The following SLC22A16 variants were observed in gnomAD, a reference collection of about 807,000 sequenced individuals.
SLC22A16 encodes the protein WUGSC:RG331P03.1.
SLC22A16 carries 53 observed loss-of-function variants against 52.9 expected under a neutral mutation model. The ratio of observed to expected loss-of-function variants is 1.00; its 90% CI spans 0.80 to 1.26. The LOEUF (loss-of-function observed/expected upper bound fraction) is 1.26. SLC22A16 is among the 50% of genes most tolerant of loss of function. SLC22A16 has a pLI of 0.00. For missense variants in SLC22A16, 726 were observed against 704.0 expected (o/e 1.03, Z -0.35); for synonymous variants, 291 against 268.8 (o/e 1.08, Z -0.81).
chr6:110,440,038 AT>A (rs1774901323), intron 4 of SLC22A16: 2 of 152,344 alleles, frequency 1.3e-5, no homozygotes, highest in Admixed American at 1.3e-4. Context: ...AAACATTAAT[AT>A]GCACAAATAT....
intron 2 of SLC22A16, among the ~76,000 whole-genome samples, chr6:110,449,900 C>G (rs1000294441): frequency 2.6e-5 from 4 of 152,180 alleles, no homozygotes; most frequent in Admixed American, 2.0e-4. Flanking sequence ...GGTTTTGTCT[C>G]TTGTCATTTC....
In SLC22A16 at chr6:110,425,391, A is replaced by G; in HGVS notation, c.1522-306T>C. The G allele has an allele frequency of 2.2e-6, 3 of 1,335,360 alleles. No homozygotes were observed. The South Asian group carries it at 3.7e-5, about 16-fold the overall frequency. 82.7% of individuals were successfully genotyped at this position (1,335,360 alleles called of 1,614,324 possible). A position where few individuals can be genotyped will look rare whatever the true frequency, so the allele number is the denominator to read the frequency against. ...AGGTGCTGTCCTAGGAGCTGTGGTC[A>G]GAAAGAAAAAAGACACTTACCCCAT... On this transcript the variant is annotated intron_variant, in intron 7 of 7. Coordinates refer to ENST00000368919, the MANE Select transcript of SLC22A16 (RefSeq NM_033125.4).
intron 1 of SLC22A16, among the ~76,000 whole-genome samples, chr6:110,470,378 G>A (rs545718062): frequency 6.6e-6 from 1 of 152,228 alleles, no homozygotes; most frequent in South Asian, 2.1e-4. Context: ...CTTGCCTAAA[G>A]TTTACCTGAG....
chr6:110,476,518 A>AC lies in SLC22A16; in HGVS notation c.53+3_53+4insG. ...CGTGGCGCCGCGGGGCCCCTCCCCC[A>AC]TACCTGCCGAAGTGCCCCACGTGGT... is the stretch of plus-strand genomic sequence containing the variant. On this transcript the variant is annotated splice_donor_region_variant and intron_variant, in intron 1 of 7. Coordinates refer to ENST00000368919, the MANE Select transcript of SLC22A16 (RefSeq NM_033125.4). 1 of 765,742 alleles carries AC rather than the reference A, an allele frequency of 1.3e-6. No homozygotes were observed. The highest frequency in any genetic ancestry group is 2.1e-5 in the South Asian group (1 of 46,554). The allele number at this position is 765,742 out of a possible 1,614,324, so 47.4% of individuals were successfully genotyped here.
chr6:110,438,768 A>G lies in SLC22A16; in HGVS notation c.1263T>C (p.Ser421=). 1 of 1,614,100 alleles carries G rather than the reference A, an allele frequency of 6.2e-7. No homozygotes were observed. The highest frequency in any genetic ancestry group is 8.5e-7 in the Non-Finnish European group (1 of 1,180,000). The change falls in exon 5 of 8, where the codon TCT becomes TCC. Residue 421 remains serine, a synonymous_variant. Transcript: ENST00000368919. ...KVGRRTVLAY[S]LFCSALACGV... ...CACAGGCCAGTGCACTGCAGAAAAGAGAGTAGGCCAGGACTGTTCTCCTCC... is the reference window on the plus strand; with the variant it reads ...CACAGGCCAGTGCACTGCAGAAAAGGGAGTAGGCCAGGACTGTTCTCCTCC...
intron 6 of SLC22A16, among the ~76,000 whole-genome samples, chr6:110,435,447 C>T (rs1286373445): frequency 1.3e-5 from 2 of 152,046 alleles, no homozygotes; most frequent in Non-Finnish European, 2.9e-5. Flanking sequence ...TTCCAGCCTC[C>T]AGTACTGTGA....
intron 2 of SLC22A16, 47 bp downstream of exon 2, chr6:110,456,490 GA>G: frequency 6.4e-7 from 1 of 1,571,792 alleles, no homozygotes. Context: ...AACCAGATAG[GA>G]AAATAAACCC....
chr6:110,437,949 AG>A (rs1774797295), intron 5 of SLC22A16, among the ~76,000 whole-genome samples: 1 of 152,220 alleles, frequency 6.6e-6, no homozygotes, highest in African/African-American at 2.4e-5. Context: ...AATGAAAAAC[AG>A]TGTACTGAAA....
At chr6:110,468,954 G>T (rs944096878) in intron 1 of SLC22A16, among the ~76,000 whole-genome samples, 5 of 152,158 alleles carry the variant, frequency 3.3e-5, no homozygotes, top group African/African-American at 7.2e-5. Flanking sequence ...AGCATGGCTG[G>T]TGGGTCACCT....
At chr6:110,454,928 TTATAA>T (rs1205220121) in intron 2 of SLC22A16, among the ~76,000 whole-genome samples, 2 of 91,934 alleles carry the variant, frequency 2.2e-5, no homozygotes, top group Non-Finnish European at 3.9e-5. Flanking sequence ...AATATATATA[TTATAA>T]TATATATAAT....
At chr6:110,455,532 A>T (rs1775614789) in intron 2 of SLC22A16, 2 of 152,210 alleles carry the variant, frequency 1.3e-5, no homozygotes, top group South Asian at 4.1e-4. Flanking sequence ...ATATGACTGT[A>T]AAATCCACAA....
rs568615881 is a variant in SLC22A16, at chr6:110,437,335, T to C, written c.1312-1374A>G. Among the ~76,000 whole-genome samples the C allele has an allele frequency of 1.9e-4, 29 of 150,894 alleles. No individual in the cohort carries two copies. The East Asian group carries it at 5.5e-3, about 29-fold the overall frequency. On this transcript the variant is annotated intron_variant, in intron 5 of 7. Coordinates refer to ENST00000368919, the MANE Select transcript of SLC22A16 (RefSeq NM_033125.4). ...GTGTAGAACTCAAAGGTTCTGGTGTTCCCCAACTCTTCACCAACTTAAAGG... is the reference window on the plus strand; with the variant it reads ...GTGTAGAACTCAAAGGTTCTGGTGTCCCCCAACTCTTCACCAACTTAAAGG...
At chr6:110,437,228 T>C (rs1056300950) in intron 5 of SLC22A16, among the ~76,000 whole-genome samples, 6 of 152,106 alleles carry the variant, frequency 3.9e-5, no homozygotes, top group Admixed American at 1.3e-4. Context: ...GAAAAATTTA[T>C]TGGAGGGGAG....
At chr6:110,453,804 CAT>C (rs1394329390) in intron 2 of SLC22A16, 1 of 427,254 alleles carries the variant, frequency 2.3e-6, no homozygotes, top group Non-Finnish European at 4.7e-6. Context: ...TTATTTAGCT[CAT>C]AGTTCTGCAG....
chr6:110,460,529 C>T (rs991025235), intron 1 of SLC22A16, among the ~76,000 whole-genome samples: 2 of 151,974 alleles, frequency 1.3e-5, no homozygotes, highest in South Asian at 4.2e-4. Context: ...TGCTGACTAC[C>T]AAATTGTGGG....
At position 110,438,048 on chromosome 6, in the gene SLC22A16, C is replaced by T. The variant is rs572591771; in HGVS notation, c.1311+672G>A. On this transcript the variant is annotated intron_variant, in intron 5 of 7. Transcript: ENST00000368919. ...TCAGGTTTCTGATTACATGTCGCCT[C>T]CTCCGAGAGGTGCACCATCCTCGAC... Among the ~76,000 whole-genome samples the T allele has an allele frequency of 5.3e-5, 8 of 152,282 alleles. 1 individual carries two copies. The South Asian group carries it at 1.5e-3, about 28-fold the overall frequency.
intron 1 of SLC22A16, among the ~76,000 whole-genome samples, chr6:110,466,582 C>G (rs1776070480): frequency 1.3e-5 from 2 of 152,104 alleles, no homozygotes; most frequent in Non-Finnish European, 2.9e-5. Flanking sequence ...GAGATACCAT[C>G]TCATACCATT....
At position 110,467,389 on chromosome 6, in the gene SLC22A16, G is replaced by A. The variant is rs1277847607; in HGVS notation, c.53+9133C>T. 4.6e-5 allele frequency among the ~76,000 whole-genome samples: 7 copies of A among 151,964 alleles called. No homozygotes were observed. The East Asian group carries it at 1.3e-3, about 29-fold the overall frequency. ...GAAGTACCATTCTGTTATTTATGTTGATTTTTTTAAAGAACACCAGGTGAA... is the reference window on the plus strand; with the variant it reads ...GAAGTACCATTCTGTTATTTATGTTAATTTTTTTAAAGAACACCAGGTGAA... On this transcript the variant is annotated intron_variant, in intron 1 of 7. Coordinates refer to ENST00000368919, the MANE Select transcript of SLC22A16 (RefSeq NM_033125.4).
chr6:110,465,632 A>T (rs1178710176), intron 1 of SLC22A16, among the ~76,000 whole-genome samples: 3 of 152,214 alleles, frequency 2.0e-5, no homozygotes, highest in Non-Finnish European at 4.4e-5. Flanking sequence ...TAATGAAAGA[A>T]ATCAGAAGTG....
Sources: gnomAD v4.1 joint callset for allele counts (sites outside exome capture counted in the v4.1 genomes callset) on GRCh38, gnomAD v4.1.1 for gene constraint, MANE v1.5 for transcripts, NCBI Gene and HGNC (gene_info 2026-07-23, HGNC 2026-07-21) for gene names.